ARHGEF10L: variants seen among roughly 807,000 people sequenced by gnomAD.
ARHGEF10L encodes rho guanine nucleotide exchange factor 10-like protein.
A neutral mutation model predicts 141.2 loss-of-function variants in ARHGEF10L; 69 were observed. The ratio of observed to expected loss-of-function variants is 0.49; its 90% CI spans 0.40 to 0.60. The LOEUF (loss-of-function observed/expected upper bound fraction) is 0.60. ARHGEF10L is among the 20% of genes least tolerant of loss of function. ARHGEF10L has a pLI of 0.00. For synonymous variants in ARHGEF10L, 711 were observed against 718.5 expected, an observed-to-expected ratio of 0.99 and a Z score of 0.17; for missense variants, 1,482 against 1,734.3, an observed-to-expected ratio of 0.85 and a Z score of 2.58.
At chr1:17,672,424 C>G (rs1339936413) in intron 26 of ARHGEF10L, among the ~76,000 whole-genome samples, 1 of 152,060 alleles carries the variant, frequency 6.6e-6, no homozygotes, top group Non-Finnish European at 1.5e-5. Context: ...TGCAAATTGG[C>G]GTGAGGGTGA....
intron 26 of ARHGEF10L, among the ~76,000 whole-genome samples, chr1:17,668,240 G>A (rs554189814): frequency 3.3e-5 from 5 of 152,226 alleles, no homozygotes; most frequent in Admixed American, 2.0e-4. Context: ...AGCTGCTCCC[G>A]GGGTCGGTGT....
chr1:17,674,782 T>C (rs1194427252), intron 26 of ARHGEF10L, among the ~76,000 whole-genome samples: 2 of 152,198 alleles, frequency 1.3e-5, no homozygotes, highest in African/African-American at 2.4e-5. Flanking sequence ...TGTTTAGATA[T>C]GTTCAGATTC....
intron 21 of ARHGEF10L, among the ~76,000 whole-genome samples, chr1:17,641,623 A>AAAAACAAAAC (rs553765262): frequency 6.6e-6 from 1 of 152,034 alleles, no homozygotes; most frequent in African/African-American, 2.4e-5. Flanking sequence ...ACTCCATCTC[A>AAAAACAAAAC]AAAACAAAAC....
At chr1:17,539,228 G>A (rs2076630311), upstream of ARHGEF10L, among the ~76,000 whole-genome samples, 2 of 152,204 alleles carry the variant, frequency 1.3e-5, no homozygotes, top group Admixed American at 1.3e-4. This position sits in a 1 kb window ranked among gnomAD's most constrained non-coding sequence, Gnocchi z 6.0. Context: ...CGGGGGTGGG[G>A]GGCAATACGG....
chr1:17,553,796 T>TA (rs777523083), intron 1 of ARHGEF10L, among the ~76,000 whole-genome samples: 1 of 151,980 alleles, frequency 6.6e-6, no homozygotes, highest in East Asian at 1.9e-4. Context: ...CTCTAAAAAA[T>TA]AAAAAATATA....
At position 17,625,240 on chromosome 1, in the gene ARHGEF10L, A is replaced by G. The variant is rs1363524093; in HGVS notation, c.1318-716A>G. Among the ~76,000 whole-genome samples the G allele has an allele frequency of 6.6e-6, 1 of 152,154 alleles. No individual in the cohort carries two copies. The highest frequency in any genetic ancestry group is 2.4e-5 in the African/African-American group (1 of 41,434). On this transcript the variant is annotated intron_variant, in intron 13 of 28. Coordinates refer to ENST00000361221, the MANE Select transcript of ARHGEF10L (RefSeq NM_018125.4). The surrounding 1 kb of genome is among the most constrained non-coding windows in gnomAD (Gnocchi z 4.5). The stretch of plus-strand genomic sequence containing the variant: ...ACAGAGGAGAGCCTATATCAGGTGT[A>G]AGGATAGTGGAGCAAAGGTTAGAGG...
At chr1:17,680,892 T>G (rs1009511912) in intron 26 of ARHGEF10L, among the ~76,000 whole-genome samples, 5 of 151,936 alleles carry the variant, frequency 3.3e-5, no homozygotes, top group African/African-American at 1.2e-4. Flanking sequence ...CAAGCGATTC[T>G]CCTGCTTCAG....
At chr1:17,517,098 G>A in the ARHGEF10L span, among the ~76,000 whole-genome samples, 28 of 152,252 alleles carry the variant, frequency 1.8e-4, no homozygotes, top group African/African-American at 5.1e-4. Context: ...TTACTCTCCC[G>A]TGCTCCAGGA....
At chr1:17,544,027 A>G (rs1570367341) in intron 1 of ARHGEF10L, among the ~76,000 whole-genome samples, 1 of 150,282 alleles carries the variant, frequency 6.7e-6, no homozygotes, top group Admixed American at 6.7e-5. Flanking sequence ...GCTCACTGCA[A>G]CCTCCACCTC....
chr1:17,567,587 C>CA (rs1225641720), intron 1 of ARHGEF10L, among the ~76,000 whole-genome samples: 1 of 152,164 alleles, frequency 6.6e-6, no homozygotes, highest in Non-Finnish European at 1.5e-5. Context: ...AGACTGGTCT[C>CA]AAACTCCTGA....
At chr1:17,537,019 A>G (rs189074896), upstream of ARHGEF10L, among the ~76,000 whole-genome samples, 1,386 of 151,102 alleles carry the variant, frequency 9.2e-3, 9 homozygotes, top group Middle Eastern at 0.031. Flanking sequence ...ATAGGCATGC[A>G]CTACCGCATC....
At position 17,558,044 on chromosome 1, in the gene ARHGEF10L, A is replaced by G. The variant is rs2077404988; in HGVS notation, c.-44+18094A>G. 6.6e-6 allele frequency among the ~76,000 whole-genome samples: 1 copy of G among 151,708 alleles called. No individual in the cohort carries two copies. Among genetic ancestry groups the G allele is most frequent in the African/African-American group, 2.4e-5 (1 of 41,242 alleles). ...CACTCGCCCATTCATTCATCTCTCC[A>G]TTCATTTACCCACCCACCCGTGCAT... On this transcript the variant is annotated intron_variant, in intron 1 of 28. Coordinates refer to ENST00000361221, the MANE Select transcript of ARHGEF10L (RefSeq NM_018125.4). This position sits in a 1 kb window ranked among gnomAD's most constrained non-coding sequence, Gnocchi z 4.2.
intron 26 of ARHGEF10L, among the ~76,000 whole-genome samples, chr1:17,680,241 C>T (rs183309493): frequency 7.9e-4 from 121 of 152,322 alleles, no homozygotes; most frequent in African/African-American, 2.8e-3. Flanking sequence ...GTAGAAGCCC[C>T]ACCAGCATCC....
Position 17,621,812 on chromosome 1 carries a change from G to GCCACAGCAGGTACTGA in ARHGEF10L, c.943-50_943-49insACAGCAGGTACTGACC. 6.5e-7 allele frequency: 1 copy of GCCACAGCAGGTACTGA among 1,538,070 alleles called. No homozygotes were observed. The highest frequency in any genetic ancestry group is 9.0e-7 in the Non-Finnish European group (1 of 1,111,044). On this transcript the variant is annotated intron_variant, in intron 10 of 28. Transcript: ENST00000361221. This position sits in a 1 kb window ranked among gnomAD's most constrained non-coding sequence, Gnocchi z 4.1. ...GTCAGCTCCCCTTCCTGTCACTTGG[G>GCCACAGCAGGTACTGA]CCCTGTGCAGCAGGTGTCATGTGCG...
At chr1:17,651,774 G>A (rs1487762933) in intron 22 of ARHGEF10L, among the ~76,000 whole-genome samples, 2 of 152,168 alleles carry the variant, frequency 1.3e-5, no homozygotes, top group African/African-American at 2.4e-5. Context: ...GTGGAGGGAG[G>A]CGAGTGACTC....
In ARHGEF10L at chr1:17,643,318, G is replaced by A. The variant is rs1332616328; in HGVS notation, c.2272+3016G>A. ...CTGAAGATTGAGAAAGGAGAGGGAT[G>A]TGGTGGGGGAGCCTGCGATCTGGGA... is the stretch of plus-strand genomic sequence containing the variant. On this transcript the variant is annotated intron_variant, in intron 21 of 28. Coordinates refer to ENST00000361221, the MANE Select transcript of ARHGEF10L (RefSeq NM_018125.4). Among the ~76,000 whole-genome samples the A allele has an allele frequency of 6.6e-5, 10 of 152,284 alleles. No homozygotes were observed. In the East Asian group the frequency reaches 1.4e-3, roughly 21 times the overall value.
At chr1:17,564,857 G>A (rs1256265695) in intron 1 of ARHGEF10L, among the ~76,000 whole-genome samples, 1 of 152,168 alleles carries the variant, frequency 6.6e-6, no homozygotes, top group Admixed American at 6.5e-5. Context: ...AACCCAAGGA[G>A]CCACTGCATT....
upstream of ARHGEF10L, among the ~76,000 whole-genome samples, chr1:17,537,762 A>G (rs2076596312): frequency 6.6e-6 from 1 of 151,360 alleles, no homozygotes; most frequent in Non-Finnish European, 1.5e-5. Flanking sequence ...CACACCTGTA[A>G]TCCCAGCACT....
intron 21 of ARHGEF10L, among the ~76,000 whole-genome samples, chr1:17,648,165 A>G (rs1023754263): frequency 1.3e-5 from 2 of 152,226 alleles, no homozygotes; most frequent in Non-Finnish European, 2.9e-5. Context: ...GACTCTGTTC[A>G]GCATCTTAAC....
Sources: gnomAD v4.1 joint callset for allele counts (sites outside exome capture counted in the v4.1 genomes callset) on GRCh38, gnomAD v4.1.1 for gene constraint, Gnocchi (gnomAD v3.1) non-coding constraint, MANE v1.5 for transcripts, NCBI Gene and HGNC (gene_info 2026-07-23, HGNC 2026-07-21) for gene names.